IQCJ: variants seen among roughly 807,000 people sequenced by gnomAD.
IQCJ encodes the protein IQ motif containing J.
In IQCJ, 9 loss-of-function variants were observed where a neutral mutation model predicts 11.0. That is an observed-to-expected ratio of 0.82 (90% CI 0.49 to 1.43). IQCJ has a LOEUF of 1.43. IQCJ is among the 40% of genes most tolerant of loss of function. IQCJ has a pLI of 0.00. For synonymous variants in IQCJ, 55 were observed against 51.3 expected (o/e 1.07, Z -0.31); for missense variants, 146 against 133.2 (o/e 1.10, Z -0.47).
At chr3:159,189,299 T>C (rs1285419406) in intron 1 of IQCJ, among the ~76,000 whole-genome samples, 1 of 152,208 alleles carries the variant, frequency 6.6e-6, no homozygotes, top group African/African-American at 2.4e-5. Flanking sequence ...ATTTGCATTT[T>C]TCATACCCTT....
At chr3:159,093,875 G>A (rs1717524619) in intron 1 of IQCJ, among the ~76,000 whole-genome samples, 1 of 151,700 alleles carries the variant, frequency 6.6e-6, no homozygotes, top group South Asian at 2.1e-4. Flanking sequence ...ACAGCATGGG[G>A]GAACCTCCTC....
intron 1 of IQCJ, among the ~76,000 whole-genome samples, chr3:159,106,092 T>C (rs1718239935): frequency 6.6e-6 from 1 of 152,038 alleles, no homozygotes; most frequent in South Asian, 2.1e-4. Context: ...ATGGAATGTG[T>C]GTATGTAGGA....
At chr3:159,229,949 G>A (rs1726146450) in intron 1 of IQCJ, among the ~76,000 whole-genome samples, 1 of 145,768 alleles carries the variant, frequency 6.9e-6, no homozygotes, top group African/African-American at 2.6e-5. Flanking sequence ...TAGATACAGG[G>A]GGTTCATGTG....
At chr3:159,208,529 AG>A (rs750345047) in intron 1 of IQCJ, among the ~76,000 whole-genome samples, 20 of 152,164 alleles carry the variant, frequency 1.3e-4, no homozygotes, top group Non-Finnish European at 2.8e-4. Context: ...GCCCCTTTCC[AG>A]GGTACTTGTC....
At chr3:159,135,870 A>G (rs2108170231) in intron 1 of IQCJ, among the ~76,000 whole-genome samples, 1 of 152,356 alleles carries the variant, frequency 6.6e-6, no homozygotes, top group East Asian at 1.9e-4. Context: ...CTTTAAGGAA[A>G]GGGACAGTAA....
chr3:159,129,995 T>C (rs1472246512), intron 1 of IQCJ, among the ~76,000 whole-genome samples: 5 of 151,978 alleles, frequency 3.3e-5, no homozygotes, highest in Admixed American at 6.6e-5. Context: ...CAAGTGTAGA[T>C]TGGTGTGAGC....
chr3:159,129,017 G>A (rs934724554), intron 1 of IQCJ, among the ~76,000 whole-genome samples: 5 of 151,836 alleles, frequency 3.3e-5, no homozygotes, highest in East Asian at 1.9e-4. Flanking sequence ...AAACAACCAC[G>A]CATACCAACT....
chr3:159,117,906 C>T (rs115034256), intron 1 of IQCJ, among the ~76,000 whole-genome samples: 18 of 152,302 alleles, frequency 1.2e-4, no homozygotes, highest in African/African-American at 4.8e-5. Flanking sequence ...GGAGCTTCCA[C>T]ATGCATCATT....
intron 1 of IQCJ, among the ~76,000 whole-genome samples, chr3:159,075,760 A>G (rs1443054254): frequency 1.3e-5 from 2 of 152,180 alleles, no homozygotes; most frequent in Non-Finnish European, 2.9e-5. Flanking sequence ...TTTAATCTTC[A>G]TGGCAGATGA....
chr3:159,231,130 T>C (rs1052752172), intron 1 of IQCJ, among the ~76,000 whole-genome samples: 1 of 152,108 alleles, frequency 6.6e-6, no homozygotes, highest in African/African-American at 2.4e-5. Context: ...TTAGAATTAA[T>C]GGGAAAAAAG....
At chr3:159,238,132 G>A (rs1439440434) in intron 1 of IQCJ, among the ~76,000 whole-genome samples, 1 of 152,094 alleles carries the variant, frequency 6.6e-6, no homozygotes, top group Non-Finnish European at 1.5e-5. Flanking sequence ...AGCAGTTATG[G>A]GAATATGCAC....
intron 1 of IQCJ, among the ~76,000 whole-genome samples, chr3:159,222,359 G>A (rs1725600450): frequency 1.3e-5 from 2 of 152,172 alleles, no homozygotes; most frequent in Admixed American, 1.3e-4. Flanking sequence ...ATTACAAGGA[G>A]ATATTGCCAT....
chr3:159,234,016 G>A (rs1577101401), intron 1 of IQCJ, among the ~76,000 whole-genome samples: 1 of 152,252 alleles, frequency 6.6e-6, no homozygotes, highest in East Asian at 1.9e-4. Context: ...AATGCCATGA[G>A]TGAGATACTG....
intron 1 of IQCJ, among the ~76,000 whole-genome samples, chr3:159,108,709 G>T (rs1034517566): frequency 6.6e-6 from 1 of 152,138 alleles, no homozygotes; most frequent in Non-Finnish European, 1.5e-5. Context: ...CATCCCCCAA[G>T]ACTGGGCACA....
downstream of IQCJ, chr3:159,265,645 A>G (rs1181011187): frequency 2.6e-6 from 1 of 385,058 alleles, no homozygotes; most frequent in Non-Finnish European, 4.7e-6. Context: ...GGTTTAATCT[A>G]TTGCTGTTAC....
chr3:159,169,583 C>T (rs551323571), intron 1 of IQCJ, among the ~76,000 whole-genome samples: 24 of 152,236 alleles, frequency 1.6e-4, no homozygotes, highest in African/African-American at 5.3e-4. Flanking sequence ...AGCCACCGCA[C>T]CCTGCCAAAG....
At chr3:159,198,996 G>A (rs539705956) in intron 1 of IQCJ, among the ~76,000 whole-genome samples, 1 of 152,124 alleles carries the variant, frequency 6.6e-6, no homozygotes, top group Non-Finnish European at 1.5e-5. Flanking sequence ...TATTCACTTA[G>A]AATATTCAAA....
rs528312017 is a variant in IQCJ, at chr3:159,257,359, A to G, written c.155+4552A>G. ...TTTCTGAAGCACCTTCTCAGTCCTC[A>G]TAAAGAAAAGAGTGTTATAGATCCA... is the stretch of plus-strand genomic sequence containing the variant. On this transcript the variant is annotated intron_variant, in intron 3 of 3. Transcript: ENST00000397832. Among the ~76,000 whole-genome samples the G allele has an allele frequency of 7.2e-5, 11 of 152,338 alleles. 1 individual carries two copies. The highest frequency in any genetic ancestry group is 2.6e-4 in the African/African-American group (11 of 41,584).
chr3:159,151,524 C>T (rs1375959019), intron 1 of IQCJ, among the ~76,000 whole-genome samples: 1 of 152,180 alleles, frequency 6.6e-6, no homozygotes, highest in East Asian at 1.9e-4. Context: ...GTGGAGCTGC[C>T]CCTCCTGTGG....
Sources: allele counts gnomAD v4.1 joint callset (sites outside exome capture counted in the v4.1 genomes callset), GRCh38; gene constraint gnomAD v4.1.1; transcripts MANE v1.5; gene names NCBI Gene and HGNC (gene_info 2026-07-23, HGNC 2026-07-21).